TTC22: variants seen among roughly 807,000 people sequenced by gnomAD.
TTC22 encodes tetratricopeptide repeat protein 22.
In TTC22, 42 loss-of-function variants were observed where a neutral mutation model predicts 48.2. The observed-to-expected ratio is 0.87, with a 90% confidence interval of 0.68 to 1.13. The LOEUF is 1.13. Ranked by LOEUF, TTC22 falls within the 50% of genes most tolerant of loss-of-function variation. The pLI, the probability that TTC22 is intolerant of heterozygous loss-of-function variation, is 0.00. For synonymous variants in TTC22, 345 were observed against 365.5 expected (o/e 0.94, Z 0.64); for missense variants, 784 against 807.0 (o/e 0.97, Z 0.34).
chr1:54,789,874 G>A (rs1282213501), intron 1 of TTC22, among the ~76,000 whole-genome samples: 1 of 152,234 alleles, frequency 6.6e-6, no homozygotes, highest in Non-Finnish European at 1.5e-5. Flanking sequence ...GTGAGAAAAG[G>A]CAATCTAGGA....
At chr1:54,790,322 G>A (rs905079397) in intron 1 of TTC22, among the ~76,000 whole-genome samples, 31 of 152,246 alleles carry the variant, frequency 2.0e-4, no homozygotes, top group African/African-American at 7.2e-4. Context: ...TAAGGCTGCA[G>A]TGAACTATGA....
intron 1 of TTC22, among the ~76,000 whole-genome samples, chr1:54,789,564 C>A (rs1173431794): frequency 6.6e-6 from 1 of 152,196 alleles, no homozygotes. Flanking sequence ...GGGTCTGGAA[C>A]CCAGGTCCCA....
chr1:54,787,864 T>A, intron 2 of TTC22, 38 bp from the exon 3 acceptor site: 1 of 1,549,720 alleles, frequency 6.5e-7, no homozygotes, highest in South Asian at 1.1e-5. Context: ...GTGGCACCCC[T>A]CCCGGCTGTC....
chr1:54,790,789 G>T (rs114026031), intron 1 of TTC22, among the ~76,000 whole-genome samples: 3 of 144,950 alleles, frequency 2.1e-5, no homozygotes, highest in Admixed American at 6.9e-5. Context: ...TGCTGCTGCT[G>T]CTTCTTTCTT....
At chr1:54,782,937 G>A (rs898845216) in intron 5 of TTC22, among the ~76,000 whole-genome samples, 4 of 152,188 alleles carry the variant, frequency 2.6e-5, no homozygotes, top group Non-Finnish European at 5.9e-5. Flanking sequence ...GAGGTGATTG[G>A]GGAGGATTAT....
intron 6 of TTC22, among the ~76,000 whole-genome samples, chr1:54,782,042 T>C (rs151003814): frequency 6.6e-6 from 1 of 152,242 alleles, no homozygotes; most frequent in Admixed American, 6.5e-5. Flanking sequence ...AAAATTATGA[T>C]ATTGTCACTT....
chr1:54,795,109 G>T lies in TTC22; in HGVS notation c.567+5488C>A, dbSNP rs528621691. Among the ~76,000 whole-genome samples the T allele has an allele frequency of 3.3e-5, 5 of 152,350 alleles. 1 individual carries two copies. The highest frequency in any genetic ancestry group is 1.2e-4 in the African/African-American group (5 of 41,580). ...GGTGATGCTCTTGTGCTCCTGCCTT[G>T]TCAGGTGTGGGGAGGAAACAGAAGA... On this transcript the variant is annotated intron_variant, in intron 1 of 6. Coordinates refer to ENST00000371276, the MANE Select transcript of TTC22 (RefSeq NM_001114108.2).
chr1:54,787,703 G>A lies in TTC22; in HGVS notation c.739+8C>T. 6.2e-7 allele frequency: 1 copy of A among 1,605,360 alleles called. No individual in the cohort carries two copies. Among genetic ancestry groups the A allele is most frequent in the Non-Finnish European group, 8.5e-7 (1 of 1,174,256 alleles). ...GGCTGCTGTCCCACCCATCCCCCGG[G>A]TCCCCACCTCGGTGGCGGGGGTCCT... On this transcript the variant is annotated splice_region_variant and intron_variant, in intron 3 of 6. Coordinates refer to ENST00000371276, the MANE Select transcript of TTC22 (RefSeq NM_001114108.2).
Position 54,799,712 on chromosome 1 carries a change from A to C in TTC22, c.567+885T>G, listed in dbSNP as rs141239668. Among the ~76,000 whole-genome samples, 109 of 152,324 alleles carry C rather than the reference A, an allele frequency of 7.2e-4. No individual in the cohort carries two copies. In the East Asian group the frequency reaches 0.014, roughly 19 times the overall value. Reference sequence around the variant, plus strand: ...TGTTGACCTCATGCAATCAGTGGTCATGTCTACACCCAGCTTAGGAGCAGA... The same window carrying C: ...TGTTGACCTCATGCAATCAGTGGTCCTGTCTACACCCAGCTTAGGAGCAGA... On this transcript the variant is annotated intron_variant, in intron 1 of 6. Coordinates refer to ENST00000371276, the MANE Select transcript of TTC22 (RefSeq NM_001114108.2).
rs1480025874 is a variant in TTC22 at position 54,780,325 on chromosome 1, C to T, written c.*918G>A. The T allele has an allele frequency of 6.6e-6, 1 of 151,806 alleles. No homozygotes were observed. The highest frequency in any genetic ancestry group is 1.5e-5 in the Non-Finnish European group (1 of 67,984). The allele number at this position is 151,806 out of a possible 1,614,324, so 9.4% of individuals were successfully genotyped here. A position where few individuals can be genotyped will look rare whatever the true frequency, so the allele number is the denominator to read the frequency against. Reference sequence around the variant, plus strand: ...CCAACATGGCGAAACCCTGTCTCTACTAAAAATACAAAATTAGCCAGGCCT... The same window carrying T: ...CCAACATGGCGAAACCCTGTCTCTATTAAAAATACAAAATTAGCCAGGCCT... On this transcript the variant is annotated 3_prime_UTR_variant, in exon 7 of 7. Coordinates refer to ENST00000371276, the MANE Select transcript of TTC22 (RefSeq NM_001114108.2).
Position 54,786,341 on chromosome 1 carries a change from TG to T in TTC22, c.859-198del. 4 of 535,106 alleles carry T rather than the reference TG, an allele frequency of 7.5e-6. No individual in the cohort carries two copies. In the East Asian group the frequency reaches 1.3e-4, roughly 18 times the overall value. 33.1% of individuals were successfully genotyped at this position (535,106 alleles called of 1,614,324 possible). ...CCCAACACCTTGGGGCACAACCTATTGGCACTCAACTCCTGAGAGCCTGGCC... is the reference window on the plus strand; with the variant it reads ...CCCAACACCTTGGGGCACAACCTATTGCACTCAACTCCTGAGAGCCTGGCC... On this transcript the variant is annotated intron_variant, in intron 4 of 6. Coordinates refer to ENST00000371276, the MANE Select transcript of TTC22 (RefSeq NM_001114108.2).
intron 5 of TTC22, chr1:54,785,356 G>T (rs988290869): frequency 1.0e-5 from 3 of 287,228 alleles, no homozygotes; most frequent in African/African-American, 6.9e-5. Flanking sequence ...GTTTGTGGGG[G>T]TAAGTGGCTT....
rs199878655 is a variant in TTC22 at position 54,787,701 on chromosome 1, G to A, written c.739+10C>T. 580 of 1,605,452 alleles carry A rather than the reference G, an allele frequency of 3.6e-4. 7 individuals carry two copies. In the East Asian group the frequency reaches 5.7e-3, roughly 16 times the overall value. On this transcript the variant is annotated intron_variant, in intron 3 of 6. Transcript: ENST00000371276. ...GAGGCTGCTGTCCCACCCATCCCCC[G>A]GGTCCCCACCTCGGTGGCGGGGGTC... is the stretch of plus-strand genomic sequence containing the variant.
At chr1:54,796,999 G>A (rs1646396836) in intron 1 of TTC22, among the ~76,000 whole-genome samples, 1 of 152,102 alleles carries the variant, frequency 6.6e-6, no homozygotes, top group African/African-American at 2.4e-5. Context: ...GGGCAGGCAG[G>A]GAGAAGCCCC....
Position 54,801,204 on chromosome 1 carries a change from A to C in TTC22, c.-41T>G. ...TCCCCTGGCCTCACCCTTGTCCCTG[A>C]GGCTGTGGAGGGCAGTGGATGGGGG... is the stretch of plus-strand genomic sequence containing the variant. On this transcript the variant is annotated 5_prime_UTR_variant, in exon 1 of 7. Transcript: ENST00000371276. 6.3e-7 allele frequency: 1 copy of C among 1,590,748 alleles called. No individual in the cohort carries two copies. Among genetic ancestry groups the C allele is most frequent in the South Asian group, 1.1e-5 (1 of 89,806 alleles).
intron 5 of TTC22, chr1:54,785,531 G>A (rs1412515985): frequency 2.2e-6 from 1 of 452,522 alleles, no homozygotes; most frequent in Non-Finnish European, 4.4e-6. Context: ...ACCTTACAGG[G>A]CTGGGTGTAG....
At chr1:54,785,682 G>A (rs1429366972) in intron 5 of TTC22, 8 of 415,340 alleles carry the variant, frequency 1.9e-5, no homozygotes, top group South Asian at 1.4e-4. Context: ...GTGTGGTGGT[G>A]TGCACCTGTA....
intron 5 of TTC22, chr1:54,784,767 G>A: frequency 1.5e-6 from 2 of 1,296,856 alleles, no homozygotes; most frequent in Admixed American, 2.4e-5. Flanking sequence ...GAGGGGATGG[G>A]AGGACTCTTC....
At chr1:54,792,853 TTG>T (rs1430884868) in intron 1 of TTC22, 1 of 152,130 alleles carries the variant, frequency 6.6e-6, no homozygotes, top group Admixed American at 6.5e-5. Context: ...TTAAACAGGC[TTG>T]TGACTGCCCC....
Sources: gnomAD v4.1 joint callset for allele counts (sites outside exome capture counted in the v4.1 genomes callset) on GRCh38, gnomAD v4.1.1 for gene constraint, MANE v1.5 for transcripts, NCBI Gene and HGNC (gene_info 2026-07-23, HGNC 2026-07-21) for gene names.